The following SIRPD variants were observed in gnomAD, a reference collection of about 807,000 sequenced individuals.
The protein encoded by SIRPD is signal regulatory protein delta, also known as signal-regulatory protein delta.
SIRPD carries 21 observed loss-of-function variants against 18.0 expected under a neutral mutation model. The ratio of observed to expected loss-of-function variants is 1.17; its 90% confidence interval spans 0.83 to 1.68. SIRPD has a LOEUF of 1.68. Among genes scored for constraint, SIRPD ranks in the 40% most tolerant of loss-of-function variants. The probability of loss-of-function intolerance (pLI) is 0.00; values close to 1 mark genes in which losing one functional copy is unlikely to be tolerated. For synonymous variants in SIRPD, 106 were observed against 92.9 expected, an observed-to-expected ratio of 1.14 and a Z score of -0.81; for missense variants, 295 against 238.4, an observed-to-expected ratio of 1.24 and a Z score of -1.56.
At chr20:1,548,251 T>C (rs2091002808) in intron 2 of SIRPD, among the ~76,000 whole-genome samples, 1 of 152,232 alleles carries the variant, frequency 6.6e-6, no homozygotes, top group Admixed American at 6.5e-5. Flanking sequence ...TTTGCATCCA[T>C]GCTCTTTATC....
At chr20:1,535,905 C>G (rs1202969151) in intron 3 of SIRPD, among the ~76,000 whole-genome samples, 1 of 152,210 alleles carries the variant, frequency 6.6e-6, no homozygotes, top group East Asian at 1.9e-4. Context: ...AGAAGGACTT[C>G]TGTGAAATGG....
chr20:1,537,865 A>G (rs1239781753), intron 2 of SIRPD, among the ~76,000 whole-genome samples: 1 of 152,130 alleles, frequency 6.6e-6, no homozygotes, highest in Non-Finnish European at 1.5e-5. Flanking sequence ...GAAAAGGGGA[A>G]GAAGCCTGTG....
chr20:1,549,148 ATTG>A (rs1217965689), intron 2 of SIRPD, among the ~76,000 whole-genome samples: 1 of 151,754 alleles, frequency 6.6e-6, no homozygotes. Context: ...TTTTCTTTCA[ATTG>A]TTGTACTTTT....
At chr20:1,536,401 CGT>C (rs1491269012) in intron 3 of SIRPD, among the ~76,000 whole-genome samples, 2 of 35,202 alleles carry the variant, frequency 5.7e-5, no homozygotes, top group African/African-American at 2.7e-4. Context: ...CCCGGCCTGT[CGT>C]TTTTTTTTTT....
Position 1,537,144 on chromosome 20 carries a change from G to C in SIRPD, c.577+11C>G, listed in dbSNP as rs2090949360. ...CCCTGCATCATGGTACCTGAGGGTG[G>C]GGGCACTCACCTGTGAGTCCCAGCA... On this transcript the variant is annotated intron_variant, in intron 3 of 3. Coordinates refer to ENST00000381623, the MANE Select transcript of SIRPD (RefSeq NM_178460.3). 2 of 1,612,808 alleles carry C rather than the reference G, an allele frequency of 1.2e-6. No homozygotes were observed. Among genetic ancestry groups the C allele is most frequent in the Non-Finnish European group, 1.7e-6 (2 of 1,179,134 alleles).
chr20:1,538,201 G>A (rs2090955794), intron 2 of SIRPD, among the ~76,000 whole-genome samples: 1 of 152,140 alleles, frequency 6.6e-6, no homozygotes, highest in South Asian at 2.1e-4. Context: ...CCTTACCAGT[G>A]GCTGACCGGA....
At chr20:1,545,979 C>T (rs997959226) in intron 2 of SIRPD, among the ~76,000 whole-genome samples, 4 of 152,200 alleles carry the variant, frequency 2.6e-5, no homozygotes, top group African/African-American at 9.7e-5. Flanking sequence ...CTGCCTGCTC[C>T]TTCCTCTGGA....
At chr20:1,550,557 C>T (rs2091014301) in intron 2 of SIRPD, among the ~76,000 whole-genome samples, 3 of 152,192 alleles carry the variant, frequency 2.0e-5, no homozygotes, top group African/African-American at 4.8e-5. Context: ...ATCCTTTAGT[C>T]CCTGGTTCCA....
chr20:1,535,119 G>A (rs930013403), intron 3 of SIRPD, among the ~76,000 whole-genome samples: 2 of 152,162 alleles, frequency 1.3e-5, no homozygotes, highest in South Asian at 2.1e-4. Flanking sequence ...TATATATTGG[G>A]GATGTATTGA....
intron 2 of SIRPD, 25 bp from the exon 3 acceptor site, chr20:1,537,335 GT>G: frequency 6.2e-7 from 1 of 1,605,368 alleles, no homozygotes; most frequent in Non-Finnish European, 8.5e-7. Flanking sequence ...AAAACTATGT[GT>G]TCCATGATAT....
chr20:1,550,005 T>A lies in SIRPD; in HGVS notation c.421+1686A>T, dbSNP rs2091011619. On this transcript the variant is annotated intron_variant, in intron 2 of 3. Transcript: ENST00000381623. ...TTGAACTCATTCACAGTATTCTCCCTCTAAACAGCTGTCATGCACTCCTAT... is the reference window on the plus strand; with the variant it reads ...TTGAACTCATTCACAGTATTCTCCCACTAAACAGCTGTCATGCACTCCTAT... Among the ~76,000 whole-genome samples the A allele has an allele frequency of 4.6e-5, 7 of 152,200 alleles. No individual in the cohort carries two copies. The South Asian group carries it at 1.4e-3, about 31-fold the overall frequency.
chr20:1,551,180 A>G (rs986317866), intron 2 of SIRPD, among the ~76,000 whole-genome samples: 1 of 152,226 alleles, frequency 6.6e-6, no homozygotes, highest in Admixed American at 6.5e-5. Flanking sequence ...CAGATTGTCA[A>G]TCCACACTTG....
At chr20:1,539,574 C>G (rs1189018538) in intron 2 of SIRPD, among the ~76,000 whole-genome samples, 1 of 152,202 alleles carries the variant, frequency 6.6e-6, no homozygotes, top group East Asian at 1.9e-4. Context: ...CTGTGGTAGT[C>G]AGCCTTTGAG....
intron 1 of SIRPD, among the ~76,000 whole-genome samples, chr20:1,556,045 C>T (rs2091039800): frequency 6.6e-6 from 1 of 152,178 alleles, no homozygotes; most frequent in Non-Finnish European, 1.5e-5. Context: ...TGGGCCTTCT[C>T]ACAGGCAGTT....
chr20:1,551,886 A>C lies in SIRPD; in HGVS notation c.226T>G (p.Tyr76Asp). 1 of 1,614,090 alleles carries C rather than the reference A, an allele frequency of 6.2e-7. No individual in the cohort carries two copies. The highest frequency in any genetic ancestry group is 8.5e-7 in the Non-Finnish European group (1 of 1,179,996). Residue 76 changes from tyrosine to aspartate, a missense_variant, in exon 2 of 4, where the codon TAC becomes GAC. By Grantham distance (160) the Tyr-to-Asp change is radical. Coordinates refer to ENST00000381623, the MANE Select transcript of SIRPD (RefSeq NM_178460.3). ...KGTGPNRKLI[Y>D]NFKQGNFPRV... ...GGAAAGTTACCTTGTTTGAAATTGT[A>C]GATTAATTTCCGGTTTGGCCCTGTT...
chr20:1,547,565 GT>G (rs1196848393), intron 2 of SIRPD, among the ~76,000 whole-genome samples: 3 of 152,182 alleles, frequency 2.0e-5, no homozygotes, highest in African/African-American at 7.2e-5. Flanking sequence ...CCTGTAGTAA[GT>G]TTTGAAAGAA....
chr20:1,555,539 C>G (rs1437651781), intron 1 of SIRPD, among the ~76,000 whole-genome samples: 1 of 152,070 alleles, frequency 6.6e-6, no homozygotes, highest in Non-Finnish European at 1.5e-5. Context: ...TGTTAATTAG[C>G]CTGATTTGAT....
intron 2 of SIRPD, among the ~76,000 whole-genome samples, chr20:1,543,583 ACT>A (rs2090981317): frequency 6.6e-6 from 1 of 151,832 alleles, no homozygotes; most frequent in Admixed American, 6.6e-5. Context: ...TCCTTGATTC[ACT>A]GATTTTTTGA....
chr20:1,537,441 G>A lies in SIRPD; in HGVS notation c.422-131C>T, dbSNP rs946902291. ...ATAGGAATCAGACACAAGCTAATAAGTTACTGATATAAGGGTCCCAAGGTG... is the reference window on the plus strand; with the variant it reads ...ATAGGAATCAGACACAAGCTAATAAATTACTGATATAAGGGTCCCAAGGTG... On this transcript the variant is annotated intron_variant, in intron 2 of 3. Transcript: ENST00000381623. 4.4e-5 allele frequency: 49 copies of A among 1,106,336 alleles called. No homozygotes were observed. In the Admixed American group the frequency reaches 1.1e-3, roughly 25 times the overall value. 68.5% of individuals were successfully genotyped at this position (1,106,336 alleles called of 1,614,324 possible). A position where few individuals can be genotyped will look rare whatever the true frequency, so the allele number is the denominator to read the frequency against.
Sources: allele counts gnomAD v4.1 joint callset (sites outside exome capture counted in the v4.1 genomes callset), GRCh38; gene constraint gnomAD v4.1.1; transcripts MANE v1.5; gene names NCBI Gene and HGNC (gene_info 2026-07-23, HGNC 2026-07-21).